ABHD3: variants seen among roughly 807,000 people sequenced by gnomAD.
The protein encoded by ABHD3 is phospholipase ABHD3.
ABHD3 carries 46 observed loss-of-function variants against 48.8 expected under a neutral mutation model. The ratio of observed to expected loss-of-function variants is 0.94; its 90% CI spans 0.74 to 1.20. The LOEUF is 1.20. Ranked by LOEUF, ABHD3 falls within the 50% of genes most tolerant of loss-of-function variation. ABHD3 has a pLI of 0.00. For missense variants in ABHD3, 490 were observed against 497.8 expected (o/e 0.98, Z 0.15); for synonymous variants, 192 against 183.7 (o/e 1.04, Z -0.36).
intron 6 of ABHD3, among the ~76,000 whole-genome samples, chr18:21,657,858 C>T (rs905002770): frequency 6.6e-6 from 1 of 151,936 alleles, no homozygotes; most frequent in Non-Finnish European, 1.5e-5. Context: ...CTACTATGTA[C>T]CCACAGAAAT....
intron 4 of ABHD3, among the ~76,000 whole-genome samples, chr18:21,669,819 C>T (rs1219067843): frequency 6.6e-6 from 1 of 152,154 alleles, no homozygotes; most frequent in Non-Finnish European, 1.5e-5. Flanking sequence ...GCTTCTTCCT[C>T]CTCAGTGAAA....
intron 4 of ABHD3, among the ~76,000 whole-genome samples, chr18:21,680,727 G>T (rs1200918865): frequency 6.6e-6 from 1 of 152,160 alleles, no homozygotes; most frequent in Non-Finnish European, 1.5e-5. Context: ...TTACTGGGTT[G>T]CTGTACTATT....
At chr18:21,703,417 C>T (rs2146343956) in intron 2 of ABHD3, among the ~76,000 whole-genome samples, 167 bp downstream of exon 2, 1 of 152,214 alleles carries the variant, frequency 6.6e-6, no homozygotes, top group South Asian at 2.1e-4. Context: ...GGGTATTTTC[C>T]TGCAGCTGGG....
intron 3 of ABHD3, among the ~76,000 whole-genome samples, chr18:21,687,929 C>T (rs190300667): frequency 1.3e-5 from 2 of 152,376 alleles, no homozygotes; most frequent in East Asian, 3.9e-4. Flanking sequence ...GCCAGTAGCA[C>T]ATGCCCCAGG....
At chr18:21,660,110 C>T (rs1054566519) in intron 5 of ABHD3, among the ~76,000 whole-genome samples, 15 of 147,696 alleles carry the variant, frequency 1.0e-4, no homozygotes, top group Admixed American at 2.7e-4. Flanking sequence ...TACACGTGTC[C>T]GCCATCAAAC....
intron 8 of ABHD3, among the ~76,000 whole-genome samples, chr18:21,652,942 C>G (rs1279197537): frequency 1.5e-5 from 2 of 131,248 alleles, no homozygotes; most frequent in Non-Finnish European, 3.2e-5. Context: ...AATCCCAGCT[C>G]CTGGGGAGGC....
intron 4 of ABHD3, among the ~76,000 whole-genome samples, chr18:21,671,871 A>G (rs147379289): frequency 9.1e-4 from 139 of 152,276 alleles, no homozygotes; most frequent in Admixed American, 1.2e-3. Context: ...TCCTGGGCTC[A>G]AGCAATCCTC....
chr18:21,679,113 T>C (rs1018377373), intron 4 of ABHD3, among the ~76,000 whole-genome samples: 9 of 152,240 alleles, frequency 5.9e-5, no homozygotes, highest in Admixed American at 5.9e-4. Context: ...TGCTGATTCA[T>C]CTTTTGTTCT....
chr18:21,656,043 C>T (rs8091215), intron 8 of ABHD3, among the ~76,000 whole-genome samples: 2 of 151,908 alleles, frequency 1.3e-5, no homozygotes, highest in Non-Finnish European at 2.9e-5. Context: ...GTAATCCCAG[C>T]TACTTGGGAG....
chr18:21,704,652 G>A lies in ABHD3; in HGVS notation c.14C>T (p.Ala5Val), dbSNP rs2040598397. MQRL[A>V]MDLRMLSREL... Reference sequence around the variant, plus strand: ...CCGGGACAACATCCGCAGGTCCATGGCCAGGCGCTGCATGGCCCCCGAGCG... The same window carrying A: ...CCGGGACAACATCCGCAGGTCCATGACCAGGCGCTGCATGGCCCCCGAGCG... Residue 5 changes from alanine to valine, a missense_variant, in exon 1 of 9, where the codon GCC (alanine) becomes GTC (valine). Transcript: ENST00000289119. The A allele has an allele frequency of 2.6e-6, 4 of 1,522,518 alleles. No individual in the cohort carries two copies. The highest frequency in any genetic ancestry group is 2.6e-6 in the Non-Finnish European group (3 of 1,137,146). 94.3% of individuals were successfully genotyped at this position (1,522,518 alleles called of 1,614,324 possible). A position where few individuals can be genotyped will look rare whatever the true frequency, so the allele number is the denominator to read the frequency against.
rs139938935 is a variant in ABHD3, at chr18:21,664,649, A to G, written c.556-419T>C. 783 of 159,734 alleles carry G rather than the reference A, an allele frequency of 4.9e-3. 2 individuals carry two copies. The highest frequency in any genetic ancestry group is 0.037 in the Middle Eastern group (12 of 320). 9.9% of individuals were successfully genotyped at this position (159,734 alleles called of 1,614,324 possible). On this transcript the variant is annotated intron_variant, in intron 4 of 8. Transcript: ENST00000289119. The stretch of plus-strand genomic sequence containing the variant: ...AACCTTTTTTTTTGTTTGTTTTGGA[A>G]AGACAGAGTCTTGCACTGTCACTCA...
chr18:21,703,694 G>A lies in ABHD3; in HGVS notation c.216C>T (p.His72=). 3 of 1,614,130 alleles carry A rather than the reference G, an allele frequency of 1.9e-6. No homozygotes were observed. Among genetic ancestry groups the A allele is most frequent in the Non-Finnish European group, 2.5e-6 (3 of 1,180,030 alleles). The part of the protein sequence containing the change: ...GESFSRFLQD[H]CPVVTETYYP... ...AGTACGTTTCTGTAACCACGGGACAGTGGTCTTGAAGGAAGCGGCTGAAAC... is the reference window on the plus strand; with the variant it reads ...AGTACGTTTCTGTAACCACGGGACAATGGTCTTGAAGGAAGCGGCTGAAAC... Residue 72 remains histidine, a synonymous_variant, in exon 2 of 9, where the codon CAC becomes CAT. Coordinates refer to ENST00000289119, the MANE Select transcript of ABHD3 (RefSeq NM_138340.5).
intron 4 of ABHD3, among the ~76,000 whole-genome samples, chr18:21,680,333 T>C (rs1401783150): frequency 6.6e-6 from 1 of 152,204 alleles, no homozygotes; most frequent in Non-Finnish European, 1.5e-5. Context: ...TATTATTTCA[T>C]GTGAACTTGA....
chr18:21,669,242 G>A (rs1271164937), intron 4 of ABHD3, among the ~76,000 whole-genome samples: 2 of 152,034 alleles, frequency 1.3e-5, no homozygotes, highest in Non-Finnish European at 1.5e-5. Flanking sequence ...AGCTCCTTAT[G>A]CCTCAATACA....
intron 4 of ABHD3, among the ~76,000 whole-genome samples, chr18:21,671,613 T>C (rs911420444): frequency 3.3e-5 from 5 of 152,020 alleles, no homozygotes; most frequent in African/African-American, 9.7e-5. Flanking sequence ...TGCTGGGTGG[T>C]GAAACTCCTT....
At chr18:21,680,614 T>C (rs1009147371) in intron 4 of ABHD3, among the ~76,000 whole-genome samples, 3 of 152,140 alleles carry the variant, frequency 2.0e-5, no homozygotes, top group Non-Finnish European at 2.9e-5. Context: ...ACTGACACAC[T>C]GTGTAAGACT....
intron 3 of ABHD3, among the ~76,000 whole-genome samples, chr18:21,696,502 G>T (rs1343780410): frequency 1.3e-5 from 2 of 151,990 alleles, no homozygotes; most frequent in African/African-American, 2.4e-5. Context: ...ATGGTAAAAG[G>T]ATTTAAGAAA....
At chr18:21,683,506 G>A (rs1183969924) in intron 4 of ABHD3, 5 of 511,570 alleles carry the variant, frequency 9.8e-6, no homozygotes, top group Non-Finnish European at 2.0e-5. Context: ...TAAGGAAAAT[G>A]TGTTTTGCAT....
At chr18:21,651,897 A>G in intron 8 of ABHD3, 134 bp from the exon 9 acceptor site, 1 of 736,070 alleles carries the variant, frequency 1.4e-6, no homozygotes, top group East Asian at 2.9e-5. Context: ...TTATATAAAT[A>G]TATGTAATGA....
Sources: gnomAD v4.1 joint callset for allele counts (sites outside exome capture counted in the v4.1 genomes callset) on GRCh38, gnomAD v4.1.1 for gene constraint, MANE v1.5 for transcripts, NCBI Gene and HGNC (gene_info 2026-07-23, HGNC 2026-07-21) for gene names.